The following TRIM14 variants were observed in gnomAD, a reference collection of about 807,000 sequenced individuals.
TRIM14 encodes the protein tripartite motif-containing protein 14.
In TRIM14, 28 loss-of-function variants were observed where a neutral mutation model predicts 44.5. The ratio of observed to expected loss-of-function variants is 0.63; its 90% CI spans 0.47 to 0.86. The LOEUF is 0.86. Ranked by LOEUF, TRIM14 falls within the 40% of genes least tolerant of loss-of-function variation. TRIM14 has a pLI of 0.00. For synonymous variants in TRIM14, 299 were observed against 269.2 expected (o/e 1.11, Z -1.08); for missense variants, 607 against 611.1 (o/e 0.99, Z 0.07).
At position 98,087,762 on chromosome 9, in the gene TRIM14, C is replaced by A; in HGVS notation, c.1037G>T (p.Arg346Leu). The change falls in exon 6 of 6, where the codon CGC becomes CTC. Residue 346 changes from arginine (R) to leucine (L), a missense_variant. This residue lies in a region of TRIM14 where 356 missense variants were observed against 323.0 expected (regional missense o/e 1.10). Coordinates refer to ENST00000341469, the MANE Select transcript of TRIM14 (RefSeq NM_014788.4). ...GCGGGCGGCGGCCGAGGCCCCGCGGCGCCGAAGGGAGGCGTAGGCCGCGCC... is the reference window on the plus strand; with the variant it reads ...GCGGGCGGCGGCCGAGGCCCCGCGGAGCCGAAGGGAGGCGTAGGCCGCGCC... Reference protein sequence around the residue: ...WVGAAYASLRRRGASAAARLG... With the variant: ...WVGAAYASLRLRGASAAARLG... 1 of 1,533,584 alleles carries A rather than the reference C, an allele frequency of 6.5e-7. No homozygotes were observed. The highest frequency in any genetic ancestry group is 2.4e-5 in the East Asian group (1 of 40,990). The allele number at this position is 1,533,584 out of a possible 1,614,324, so 95.0% of individuals were successfully genotyped here.
chr9:98,040,243 C>T, the TRIM14 span, among the ~76,000 whole-genome samples: 714 of 152,282 alleles, frequency 4.7e-3, 7 homozygotes, highest in African/African-American at 0.016. Flanking sequence ...GTCCATTTTC[C>T]ACCTGCTTTG....
chr9:98,054,162 G>A, the TRIM14 span, among the ~76,000 whole-genome samples: 2 of 152,084 alleles, frequency 1.3e-5, no homozygotes, highest in Admixed American at 6.6e-5. Flanking sequence ...CTCACTGAAT[G>A]TGACCATACT....
chr9:98,078,485 C>G, intron 6 of TRIM14: 4 of 1,169,336 alleles, frequency 3.4e-6, no homozygotes, highest in Non-Finnish European at 3.6e-6. Flanking sequence ...GTTACCAAAT[C>G]AAATTCGAGC....
At chr9:98,105,493 T>A (rs1253951570) in intron 2 of TRIM14, among the ~76,000 whole-genome samples, 2 of 152,160 alleles carry the variant, frequency 1.3e-5, no homozygotes, top group Admixed American at 1.3e-4. Flanking sequence ...GCAGGAGAAT[T>A]GCTTGAGCCC....
chr9:98,064,851 C>T (rs977983802), downstream of TRIM14, among the ~76,000 whole-genome samples: 1 of 152,228 alleles, frequency 6.6e-6, no homozygotes, highest in African/African-American at 2.4e-5. Flanking sequence ...TCTCCGCATG[C>T]ACCACGCTCG....
At chr9:98,096,695 C>G (rs1191183283) in intron 3 of TRIM14, among the ~76,000 whole-genome samples, 1 of 152,124 alleles carries the variant, frequency 6.6e-6, no homozygotes, top group Non-Finnish European at 1.5e-5. Flanking sequence ...ATTCCTGTGG[C>G]ATCTCTTGAC....
chr9:98,053,406 G>A, the TRIM14 span, among the ~76,000 whole-genome samples: 2 of 152,102 alleles, frequency 1.3e-5, no homozygotes, highest in African/African-American at 4.8e-5. Flanking sequence ...TTGGTTTCAG[G>A]GACTCACAGA....
At chr9:98,061,652 C>T in the TRIM14 span, among the ~76,000 whole-genome samples, 2 of 139,644 alleles carry the variant, frequency 1.4e-5, no homozygotes, top group Non-Finnish European at 3.1e-5. Context: ...TGGTGGCATG[C>T]GTCTGTAGTC....
At chr9:98,036,759 G>A in the TRIM14 span, among the ~76,000 whole-genome samples, 3 of 152,038 alleles carry the variant, frequency 2.0e-5, no homozygotes, top group African/African-American at 4.8e-5. Context: ...AGCCCAGATC[G>A]CACCATTGCA....
chr9:98,090,658 G>A (rs1171659993), intron 5 of TRIM14, among the ~76,000 whole-genome samples: 1 of 151,238 alleles, frequency 6.6e-6, no homozygotes. Context: ...TCGCCTCCCG[G>A]GTTCAAGCGA....
intron 2 of TRIM14, among the ~76,000 whole-genome samples, chr9:98,106,162 C>T (rs920842089): frequency 2.0e-5 from 3 of 152,142 alleles, no homozygotes; most frequent in Non-Finnish European, 4.4e-5. Flanking sequence ...TGATAATACA[C>T]GTGACAAACC....
At chr9:98,038,018 CCAGTGCACCCGGCT>C in the TRIM14 span, among the ~76,000 whole-genome samples, 3 of 152,022 alleles carry the variant, frequency 2.0e-5, no homozygotes, top group Non-Finnish European at 2.9e-5. Flanking sequence ...CAGGTACATG[CCAGTGCACCCGGCT>C]CTTATTTTTA....
intron 5 of TRIM14, among the ~76,000 whole-genome samples, chr9:98,088,308 T>C (rs1007574031): frequency 6.6e-6 from 1 of 152,242 alleles, no homozygotes; most frequent in South Asian, 2.1e-4. Context: ...AGGGTGTGTG[T>C]ACTTCCTATC....
chr9:98,111,647 A>C (rs1826856233), intron 1 of TRIM14, among the ~76,000 whole-genome samples: 3 of 152,204 alleles, frequency 2.0e-5, no homozygotes, highest in Non-Finnish European at 4.4e-5. Flanking sequence ...TAGTTTTAAA[A>C]GTTGTTTTCA....
chr9:98,051,354 C>T, the TRIM14 span, among the ~76,000 whole-genome samples: 2 of 152,188 alleles, frequency 1.3e-5, no homozygotes, highest in Non-Finnish European at 2.9e-5. Flanking sequence ...TCCCCTACAA[C>T]TGAATCTCTA....
chr9:98,078,928 C>T (rs959245450), intron 6 of TRIM14, among the ~76,000 whole-genome samples: 4 of 151,790 alleles, frequency 2.6e-5, no homozygotes, highest in Admixed American at 1.3e-4. Context: ...TGAACACTAG[C>T]GTACAGATAA....
chr9:98,046,338 C>G, the TRIM14 span, among the ~76,000 whole-genome samples: 56 of 152,266 alleles, frequency 3.7e-4, no homozygotes, highest in African/African-American at 1.3e-3. Flanking sequence ...TACAGTGGAA[C>G]ATTCCAAATG....
rs756135172 is a variant in TRIM14, at chr9:98,087,322, C to G, written c.*148G>C. 1 of 1,237,888 alleles carries G rather than the reference C, an allele frequency of 8.1e-7. No homozygotes were observed. The highest frequency in any genetic ancestry group is 1.2e-6 in the Non-Finnish European group (1 of 837,332). 76.7% of individuals were successfully genotyped at this position (1,237,888 alleles called of 1,614,324 possible). Reference sequence around the variant, plus strand: ...CCTAGGAGAGGAAACCTTCAAAGCACTGTAGGCGTGATTGGTCGGGGAAAG... The same window carrying G: ...CCTAGGAGAGGAAACCTTCAAAGCAGTGTAGGCGTGATTGGTCGGGGAAAG... On this transcript the variant is annotated 3_prime_UTR_variant, in exon 6 of 6. Coordinates refer to ENST00000341469, the MANE Select transcript of TRIM14 (RefSeq NM_014788.4).
At chr9:98,118,925 T>C (rs1052229967) in intron 1 of TRIM14, 57 bp downstream of exon 1, 90 of 1,437,630 alleles carry the variant, frequency 6.3e-5, no homozygotes, top group Non-Finnish European at 8.0e-5. Flanking sequence ...TCGGCCGTTA[T>C]GCCTGGGCTG....
Sources: gnomAD v4.1 joint callset for allele counts (sites outside exome capture counted in the v4.1 genomes callset) on GRCh38, gnomAD v4.1.1 for gene constraint, gnomAD v4.1.1 regional missense constraint, MANE v1.5 for transcripts, NCBI Gene and HGNC (gene_info 2026-07-23, HGNC 2026-07-21) for gene names.